PCDHA1: variants seen among roughly 807,000 people sequenced by gnomAD.
PCDHA1 encodes the protein protocadherin alpha-1.
A neutral mutation model predicts 61.3 loss-of-function variants in PCDHA1; 42 were observed. The ratio of observed to expected loss-of-function variants is 0.69; its 90% confidence interval spans 0.54 to 0.89. The LOEUF is 0.89. PCDHA1 is among the 40% of genes least tolerant of loss of function. PCDHA1 has a pLI of 0.00. For missense variants in PCDHA1, 1,256 were observed against 1,235.3 expected, an observed-to-expected ratio of 1.02 and a Z score of -0.25; for synonymous variants, 610 against 553.8, an observed-to-expected ratio of 1.10 and a Z score of -1.43.
At chr5:140,829,777 G>A (rs2150174439) in intron 1 of PCDHA1, 2 of 1,613,742 alleles carry the variant, frequency 1.2e-6, no homozygotes, top group Non-Finnish European at 8.5e-7. Flanking sequence ...ACGACAACGC[G>A]CCGGCGCTGC....
At chr5:140,881,373 AGCCG>A in intron 1 of PCDHA1, 2 of 985,074 alleles carry the variant, frequency 2.0e-6, no homozygotes, top group Non-Finnish European at 2.4e-6. Flanking sequence ...TATGAATTGC[AGCCG>A]GCGGCGGTAA....
rs1761424524 is a variant in PCDHA1 at position 140,788,047 on chromosome 5, G to T, written c.1757G>T (p.Gly586Val). 2.5e-6 allele frequency: 4 copies of T among 1,614,038 alleles called. No individual in the cohort carries two copies. The highest frequency in any genetic ancestry group is 3.4e-6 in the Non-Finnish European group (4 of 1,179,916). Residue 586 changes from glycine (G) to valine (V), a missense_variant, in exon 1 of 4, where the codon GGT becomes GTT. By Grantham distance (109) the Gly-to-Val change is moderately radical. Transcript: ENST00000504120. The stretch of plus-strand genomic sequence containing the variant: ...AGTGAGCTGGTGCCGCGATTGGTGG[G>T]TGCGGGTCATGTGGTGGCGAAGGTG... ...AVSELVPRLV[G>V]AGHVVAKVRA...
chr5:140,852,577 T>G, intron 1 of PCDHA1: 3 of 825,200 alleles, frequency 3.6e-6, no homozygotes, highest in Non-Finnish European at 3.0e-6. Flanking sequence ...TGCCAAGGCT[T>G]TTTTATTTTT....
chr5:140,824,159 C>T (rs1554129770), intron 1 of PCDHA1: 3 of 1,611,382 alleles, frequency 1.9e-6, no homozygotes, highest in Middle Eastern at 1.7e-4. Context: ...TCCATCTTTC[C>T]CTCCCAATTT....
chr5:140,791,262 G>A (rs1192511426), intron 1 of PCDHA1, among the ~76,000 whole-genome samples: 3 of 152,220 alleles, frequency 2.0e-5, no homozygotes, highest in African/African-American at 2.4e-5. Flanking sequence ...CCAATGAAAT[G>A]TGAATGGTGT....
At chr5:140,842,722 C>T (rs1554139310) in intron 1 of PCDHA1, 2 of 1,595,034 alleles carry the variant, frequency 1.3e-6, no homozygotes, top group Non-Finnish European at 1.7e-6. Flanking sequence ...TGAAGGAGAA[C>T]AACCCGCCGG....
chr5:140,829,322 A>G, intron 1 of PCDHA1: 1 of 1,614,248 alleles, frequency 6.2e-7, no homozygotes, highest in Non-Finnish European at 8.5e-7. Flanking sequence ...GGTGCTGGAC[A>G]GTGCCCTGGA....
chr5:140,841,888 T>G, intron 1 of PCDHA1: 1 of 1,613,782 alleles, frequency 6.2e-7, no homozygotes, highest in East Asian at 2.2e-5. Context: ...ACGATGAGAA[T>G]AAACTGGTTG....
At chr5:140,876,251 G>T in intron 1 of PCDHA1, 1 of 1,614,008 alleles carries the variant, frequency 6.2e-7, no homozygotes, top group South Asian at 1.1e-5. Context: ...AACGACACAA[G>T]AGTGATCCAA....
intron 1 of PCDHA1, among the ~76,000 whole-genome samples, chr5:140,886,142 TA>T (rs1473876165): frequency 6.6e-6 from 1 of 152,180 alleles, no homozygotes; most frequent in African/African-American, 2.4e-5. Flanking sequence ...AGATTCTTGA[TA>T]TCACCTTTTT....
chr5:140,952,192 G>T (rs572613863), intron 1 of PCDHA1, among the ~76,000 whole-genome samples: 3 of 152,080 alleles, frequency 2.0e-5, no homozygotes, highest in Non-Finnish European at 4.4e-5. Context: ...TCATGGGTTG[G>T]TGTTGAATGC....
chr5:140,809,129 C>T (rs868934525), intron 1 of PCDHA1: 1 of 1,614,034 alleles, frequency 6.2e-7, no homozygotes, highest in Non-Finnish European at 8.5e-7. Flanking sequence ...CCACCGCCTA[C>T]TGGTACTGGT....
chr5:140,950,896 A>G (rs1023778505), intron 1 of PCDHA1, among the ~76,000 whole-genome samples: 1 of 151,834 alleles, frequency 6.6e-6, no homozygotes, highest in Non-Finnish European at 1.5e-5. Context: ...TCTGAGATTT[A>G]TTTTATTTTT....
intron 1 of PCDHA1, chr5:140,868,381 A>C (rs1554161945): frequency 2.0e-5 from 3 of 152,316 alleles, no homozygotes; most frequent in Non-Finnish European, 4.4e-5. Flanking sequence ...GTAAAGAATG[A>C]GAACTATAGA....
chr5:141,001,943 A>G (rs1197227753), intron 3 of PCDHA1, among the ~76,000 whole-genome samples: 1 of 147,256 alleles, frequency 6.8e-6, no homozygotes, highest in African/African-American at 2.7e-5. Flanking sequence ...GAGCGGAAAT[A>G]AGGAGGAGGG....
At chr5:140,882,887 G>A (rs781927732) in intron 1 of PCDHA1, 43 of 1,614,050 alleles carry the variant, frequency 2.7e-5, no homozygotes, top group Non-Finnish European at 3.6e-5. Context: ...GGAAATTCAG[G>A]AACATAGTTT....
intron 1 of PCDHA1, chr5:140,830,967 T>C (rs1771307756): frequency 6.6e-6 from 1 of 152,346 alleles, no homozygotes; most frequent in Non-Finnish European, 1.5e-5. Flanking sequence ...TTTTATCCAT[T>C]TTGTGTAAGA....
chr5:140,976,788 G>A (rs969853431), intron 1 of PCDHA1, among the ~76,000 whole-genome samples: 4 of 152,218 alleles, frequency 2.6e-5, no homozygotes, highest in Middle Eastern at 3.4e-3. Flanking sequence ...ATATAGCTAC[G>A]CTTTTATGAA....
intron 1 of PCDHA1, chr5:140,808,084 T>C (rs371031734): frequency 3.1e-6 from 5 of 1,613,938 alleles, no homozygotes; most frequent in Middle Eastern, 1.6e-4. Flanking sequence ...ATCCAATTAC[T>C]GGACAAATTA....
Sources: allele counts gnomAD v4.1 joint callset (sites outside exome capture counted in the v4.1 genomes callset), GRCh38; gene constraint gnomAD v4.1.1; transcripts MANE v1.5; gene names NCBI Gene and HGNC (gene_info 2026-07-23, HGNC 2026-07-21).